The following TRAM1 variants were observed in gnomAD, a reference collection of about 807,000 sequenced individuals.
TRAM1 encodes the protein translocation associated membrane protein 1, also known as translocating chain-associated membrane protein 1.
A neutral mutation model predicts 48.7 loss-of-function variants in TRAM1; 17 were observed. That is an observed-to-expected ratio of 0.35 (90% CI 0.24 to 0.52). TRAM1 has a LOEUF of 0.52. TRAM1 is among the 20% of genes least tolerant of loss of function. The pLI is 0.94. For synonymous variants in TRAM1, 182 were observed against 154.0 expected (o/e 1.18, Z -1.34); for missense variants, 351 against 441.5 (o/e 0.79, Z 1.84).
At position 70,598,253 on chromosome 8, in the gene TRAM1, C is replaced by A. The variant is rs199715423; in HGVS notation, c.190G>T (p.Glu64Ter). The A allele has an allele frequency of 1.2e-6, 2 of 1,604,320 alleles. No homozygotes were observed. The highest frequency in any genetic ancestry group is 2.2e-5 in the South Asian group (2 of 89,384). The change falls in exon 3 of 11, where the codon GAA (glutamate) becomes TAA (stop). Residue 64 changes from glutamate to a stop codon, truncating the protein, a stop_gained and splice_region_variant. Coordinates refer to ENST00000262213, the MANE Select transcript of TRAM1 (RefSeq NM_014294.6). LOFTEE classifies it high-confidence loss of function. ...QYNVTLPATE[E>*]QATESVSLYY... The stretch of plus-strand genomic sequence containing the variant: ...AGGGACACTGATTCAGTAGCTTGTT[C>A]TTCTGAAGACCAAAAAGGACACAAA...
intron 10 of TRAM1, among the ~76,000 whole-genome samples, chr8:70,580,576 A>C (rs1817054471): frequency 6.6e-6 from 1 of 152,132 alleles, no homozygotes; most frequent in Admixed American, 6.5e-5. Flanking sequence ...TTTATGAAAA[A>C]CCCATAGCTA....
intron 4 of TRAM1, 21 bp downstream of exon 4, chr8:70,597,874 A>C (rs200401405): frequency 5.3e-6 from 8 of 1,521,874 alleles, no homozygotes; most frequent in African/African-American, 2.8e-5. Context: ...GGAGAACAAC[A>C]ACCTAAGAGG....
intron 8 of TRAM1, among the ~76,000 whole-genome samples, chr8:70,584,339 C>T (rs1421163291): frequency 1.3e-5 from 2 of 152,206 alleles, no homozygotes; most frequent in East Asian, 3.9e-4. Flanking sequence ...AACAGGATGC[C>T]CAATTCTCAT....
rs201594183 is a variant in TRAM1, at chr8:70,600,383, GC to G, written c.124-302del. On this transcript the variant is annotated intron_variant, in intron 1 of 10. Coordinates refer to ENST00000262213, the MANE Select transcript of TRAM1 (RefSeq NM_014294.6). ...TGACAAATGATGATTCTCTACTCTA[GC>G]CCTATACAATGAATAAAAAGTTCCT... is the stretch of plus-strand genomic sequence containing the variant. Among the ~76,000 whole-genome samples, 1,071 of 152,222 alleles carry G rather than the reference GC, an allele frequency of 7.0e-3. 14 individuals carry two copies. The highest frequency in any genetic ancestry group is 0.025 in the African/African-American group (1,025 of 41,516).
At chr8:70,580,740 A>G (rs1817057316) in intron 10 of TRAM1, among the ~76,000 whole-genome samples, 1 of 151,366 alleles carries the variant, frequency 6.6e-6, no homozygotes. Context: ...AAGCATCCAG[A>G]TTGCCCACCA....
In TRAM1 at chr8:70,583,811, T is replaced by TA; in HGVS notation, c.747-19dup. 1.3e-6 allele frequency: 2 copies of TA among 1,520,656 alleles called. No individual in the cohort carries two copies. Among genetic ancestry groups the TA allele is most frequent in the East Asian group, 2.5e-5 (1 of 40,758 alleles). The allele number at this position is 1,520,656 out of a possible 1,614,324, so 94.2% of individuals were successfully genotyped here. ...GAGAAAATCTGCAAGAAAAAGGCCG[T>TA]AAGTCAAATTCCTGAAATCTCAAAA... On this transcript the variant is annotated intron_variant, in intron 8 of 10. Coordinates refer to ENST00000262213, the MANE Select transcript of TRAM1 (RefSeq NM_014294.6).
chr8:70,603,364 CCT>C (rs1168286719), intron 1 of TRAM1, among the ~76,000 whole-genome samples: 1 of 151,246 alleles, frequency 6.6e-6, no homozygotes, highest in Non-Finnish European at 1.5e-5. Context: ...ACTCCACATC[CCT>C]GTTTCCAGTT....
chr8:70,603,080 C>T (rs1424890719), intron 1 of TRAM1, among the ~76,000 whole-genome samples: 1 of 152,054 alleles, frequency 6.6e-6, no homozygotes, highest in African/African-American at 2.4e-5. Flanking sequence ...GTAGAAAAGG[C>T]TACTAAGGCT....
chr8:70,589,366 C>G (rs1468232019), intron 6 of TRAM1, among the ~76,000 whole-genome samples: 1 of 152,150 alleles, frequency 6.6e-6, no homozygotes, highest in East Asian at 1.9e-4. Flanking sequence ...AAGGGAACCT[C>G]TCTTCTCCCG....
intron 1 of TRAM1, among the ~76,000 whole-genome samples, chr8:70,604,023 A>G (rs1817665659): frequency 6.6e-6 from 1 of 152,208 alleles, no homozygotes; most frequent in South Asian, 2.1e-4. Flanking sequence ...TAGTAGTAAG[A>G]TAAGTTAGTT....
intron 5 of TRAM1, among the ~76,000 whole-genome samples, chr8:70,595,061 A>T (rs1817459370): frequency 6.6e-6 from 1 of 151,326 alleles, no homozygotes. Flanking sequence ...TTCTTAGGCA[A>T]ATATGGTAAC....
In TRAM1 at chr8:70,587,194, A is replaced by G. The variant is rs142808693; in HGVS notation, c.571-18T>C. 20 of 1,606,724 alleles carry G rather than the reference A, an allele frequency of 1.2e-5. No individual in the cohort carries two copies. The African/African-American group carries it at 1.9e-4, about 15-fold the overall frequency. The stretch of plus-strand genomic sequence containing the variant: ...ATATCTTCCTGTAAAAAAATACATT[A>G]TAGATTAAAACATGCTAAAACATTT... On this transcript the variant is annotated intron_variant, in intron 6 of 10. Coordinates refer to ENST00000262213, the MANE Select transcript of TRAM1 (RefSeq NM_014294.6).
intron 6 of TRAM1, among the ~76,000 whole-genome samples, chr8:70,588,069 C>T (rs781200759): frequency 2.0e-4 from 30 of 151,996 alleles, no homozygotes; most frequent in Non-Finnish European, 3.5e-4. Context: ...CTACAATTAG[C>T]TAGGCGTGGT....
At chr8:70,594,667 C>T in intron 5 of TRAM1, 77 bp from the exon 6 acceptor site, 1 of 1,161,064 alleles carries the variant, frequency 8.6e-7, no homozygotes, top group South Asian at 1.5e-5. Flanking sequence ...TACTGGAAAT[C>T]AGGATATACT....
At chr8:70,607,606 C>G (rs780430622) in intron 1 of TRAM1, 5 of 534,516 alleles carry the variant, frequency 9.4e-6, no homozygotes, top group Middle Eastern at 9.6e-4. Flanking sequence ...ACCCGGGGGC[C>G]GGGCCTCGGC....
At chr8:70,592,108 T>G (rs905748085) in intron 6 of TRAM1, among the ~76,000 whole-genome samples, 2 of 152,196 alleles carry the variant, frequency 1.3e-5, no homozygotes, top group Non-Finnish European at 1.5e-5. Flanking sequence ...ATATTAGAAA[T>G]AAAACATTTG....
Position 70,608,201 on chromosome 8 carries a change from GT to G in TRAM1, c.-3del. 1 of 1,587,408 alleles carries G rather than the reference GT, an allele frequency of 6.3e-7. No homozygotes were observed. The highest frequency in any genetic ancestry group is 8.6e-7 in the Non-Finnish European group (1 of 1,169,176). ...GGTGCTTTTCTTGCGAATCGCCATG[GT>G]GGGGCCGCCGCCCGCGCCTGCAGGT... On this transcript the variant is annotated 5_prime_UTR_variant, in exon 1 of 11. Coordinates refer to ENST00000262213, the MANE Select transcript of TRAM1 (RefSeq NM_014294.6).
chr8:70,606,788 T>G, intron 1 of TRAM1: 2 of 659,190 alleles, frequency 3.0e-6, no homozygotes, highest in Non-Finnish European at 3.8e-6. Context: ...GCCCATTTGA[T>G]GAGAGGCGAA....
At chr8:70,601,198 C>G (rs568724734) in intron 1 of TRAM1, among the ~76,000 whole-genome samples, 18 of 152,214 alleles carry the variant, frequency 1.2e-4, no homozygotes, top group African/African-American at 4.3e-4. Context: ...CCACATCCCC[C>G]TCCCTACCTG....
Sources: gnomAD v4.1 joint callset for allele counts (sites outside exome capture counted in the v4.1 genomes callset) on GRCh38, gnomAD v4.1.1 for gene constraint, MANE v1.5 for transcripts, NCBI Gene and HGNC (gene_info 2026-07-23, HGNC 2026-07-21) for gene names.